ZNF233: variants seen among roughly 807,000 people sequenced by gnomAD.
The protein encoded by ZNF233 is zinc finger protein 233.
ZNF233 carries 7 observed loss-of-function variants against 11.6 expected under a neutral mutation model. The ratio of observed to expected loss-of-function variants is 0.60; its 90% CI spans 0.34 to 1.13. ZNF233 has a LOEUF of 1.13. ZNF233 is among the 50% of genes most tolerant of loss of function. The pLI is 0.03. For synonymous variants in ZNF233, 226 were observed against 268.5 expected, an observed-to-expected ratio of 0.84 and a Z score of 1.55; for missense variants, 711 against 785.5, an observed-to-expected ratio of 0.91 and a Z score of 1.13.
chr19:44,272,462 C>T (rs576129365), intron 4 of ZNF233, among the ~76,000 whole-genome samples: 74 of 150,834 alleles, frequency 4.9e-4, no homozygotes, highest in South Asian at 2.9e-3. Context: ...AGTCTGGGTG[C>T]GGTGGCTCAC....
intron 4 of ZNF233, among the ~76,000 whole-genome samples, chr19:44,269,605 C>T (rs1975186917): frequency 6.6e-6 from 1 of 151,128 alleles, no homozygotes; most frequent in South Asian, 2.1e-4. Flanking sequence ...CAAATCTTTA[C>T]TTTTTTTTTA....
chr19:44,275,243 T>C lies in ZNF233; in HGVS notation c.*570T>C. On this transcript the variant is annotated 3_prime_UTR_variant, in exon 5 of 5. Transcript: ENST00000683810. ...CCCCAATTCGTCATTATAATTGTACTGGGAAAAGGATTCTTGCAAGAAGCC... is the reference window on the plus strand; with the variant it reads ...CCCCAATTCGTCATTATAATTGTACCGGGAAAAGGATTCTTGCAAGAAGCC... 1 of 258,874 alleles carries C rather than the reference T, an allele frequency of 3.9e-6. No homozygotes were observed. The highest frequency in any genetic ancestry group is 7.2e-6 in the Non-Finnish European group (1 of 139,018). 16.0% of individuals were successfully genotyped at this position (258,874 alleles called of 1,614,324 possible). A position where few individuals can be genotyped will look rare whatever the true frequency, so the allele number is the denominator to read the frequency against.
Position 44,274,040 on chromosome 19 carries a change from C to T in ZNF233, c.1380C>T (p.Gly460=). 6.3e-7 allele frequency: 1 copy of T among 1,597,902 alleles called. No individual in the cohort carries two copies. Among genetic ancestry groups the T allele is most frequent in the Non-Finnish European group, 8.5e-7 (1 of 1,179,424 alleles). ...ATAAATGTGAGGTATGTGATAAGGG[C>T]TTCAGTAAGGCCTCAAATCTTCAAG... ...KPYKCEVCDK[G]FSKASNLQAH... is the part of the protein sequence containing the mutation. Residue 460 remains glycine, a synonymous_variant, in exon 5 of 5, where the codon GGC becomes GGT. Coordinates refer to ENST00000683810, the MANE Select transcript of ZNF233 (RefSeq NM_001207005.2).
In ZNF233 at chr19:44,274,352, C is replaced by CA. The variant is rs772029795; in HGVS notation, c.1695dup (p.Cys566MetfsTer2). On this transcript the variant is annotated frameshift_variant, in exon 5 of 5. Transcript: ENST00000683810. LOFTEE classifies it low-confidence loss of function (END_TRUNC). ...AAGTCCATACTGGAGAGAATCCCTA[C>CA]AAATGTGATGTGTGTGGGAAAGGCT... 1 of 1,613,740 alleles carries CA rather than the reference C, an allele frequency of 6.2e-7. No individual in the cohort carries two copies. The highest frequency in any genetic ancestry group is 1.1e-5 in the South Asian group (1 of 91,048).
chr19:44,260,112 T>TG, intron 1 of ZNF233, 174 bp downstream of exon 1: 4 of 262,814 alleles, frequency 1.5e-5, no homozygotes, highest in South Asian at 1.2e-4. Context: ...GAATGGCTCC[T>TG]GGTCGCACGT....
rs183103711 is a variant in ZNF233, at chr19:44,273,533, C to T, written c.873C>T (p.Tyr291=). 114 of 1,614,146 alleles carry T rather than the reference C, an allele frequency of 7.1e-5. No individual in the cohort carries two copies. Among genetic ancestry groups the T allele is most frequent in the South Asian group, 3.1e-4 (28 of 91,082 alleles). Residue 291 remains tyrosine, a synonymous_variant, in exon 5 of 5, where the codon TAC becomes TAT. Transcript: ENST00000683810. ...LRDKPHVNVE[Y]GKGIGYSSGL... Reference sequence around the variant, plus strand: ...ACAAGCCTCATGTAAATGTTGAGTACGGGAAGGGCATAGGTTACAGCTCAG... The same window carrying T: ...ACAAGCCTCATGTAAATGTTGAGTATGGGAAGGGCATAGGTTACAGCTCAG...
chr19:44,266,008 T>A (rs752723641), intron 2 of ZNF233, 190 bp from the exon 3 acceptor site: 1 of 416,396 alleles, frequency 2.4e-6, no homozygotes, highest in Non-Finnish European at 4.1e-6. Flanking sequence ...ACACTTTTGA[T>A]GTGACTGTGG....
At position 44,274,652 on chromosome 19, in the gene ZNF233, A is replaced by G; in HGVS notation, c.1992A>G (p.Ser664=). The G allele has an allele frequency of 6.3e-7, 1 of 1,585,356 alleles. No individual in the cohort carries two copies. Among genetic ancestry groups the G allele is most frequent in the Non-Finnish European group, 8.6e-7 (1 of 1,161,110 alleles). ...GKGFSKSSLS[S]DSSESP is the part of the protein sequence containing the mutation. ...GCTTTAGTAAGAGTTCGTTGTCTTCAGATTCATCAGAGAGTCCATGATGGT... is the reference window on the plus strand; with the variant it reads ...GCTTTAGTAAGAGTTCGTTGTCTTCGGATTCATCAGAGAGTCCATGATGGT... The change falls in exon 5 of 5, where the codon TCA becomes TCG. Residue 664 remains serine (S), a synonymous_variant. Coordinates refer to ENST00000683810, the MANE Select transcript of ZNF233 (RefSeq NM_001207005.2).
rs535759670 is a variant in ZNF233 at position 44,271,511 on chromosome 19, G to A, written c.239-1388G>A. Among the ~76,000 whole-genome samples, 162 of 151,680 alleles carry A rather than the reference G, an allele frequency of 1.1e-3. 1 individual carries two copies. The highest frequency in any genetic ancestry group is 3.6e-3 in the African/African-American group (149 of 41,376). The stretch of plus-strand genomic sequence containing the variant: ...ACATCTGCCACGGAAAAGAGGAGAG[G>A]ATTTTTTTTTTTTTTTGAGACGGAG... On this transcript the variant is annotated intron_variant, in intron 4 of 4. Coordinates refer to ENST00000683810, the MANE Select transcript of ZNF233 (RefSeq NM_001207005.2).
At chr19:44,262,382 G>A (rs547064372) in intron 1 of ZNF233, among the ~76,000 whole-genome samples, 2 of 152,336 alleles carry the variant, frequency 1.3e-5, no homozygotes, top group African/African-American at 4.8e-5. Flanking sequence ...ACCTAGGAAT[G>A]AACAAAGTCT....
intron 2 of ZNF233, 123 bp from the exon 3 acceptor site, chr19:44,266,075 G>A: frequency 2.7e-6 from 3 of 1,100,354 alleles, no homozygotes; most frequent in Non-Finnish European, 3.7e-6. Context: ...GCTACTTAAA[G>A]TTCATTCGAG....
intron 2 of ZNF233, 113 bp from the exon 3 acceptor site, chr19:44,266,085 G>A (rs1975073190): frequency 1.7e-6 from 2 of 1,189,458 alleles, no homozygotes; most frequent in Non-Finnish European, 2.2e-6. Flanking sequence ...GTTCATTCGA[G>A]GCCCTCACAA....
At position 44,273,344 on chromosome 19, in the gene ZNF233, C is replaced by A. The variant is rs776107462; in HGVS notation, c.684C>A (p.His228Gln). The change falls in exon 5 of 5, where the codon CAC (histidine) becomes CAA (glutamine). Residue 228 changes from histidine to glutamine, a missense_variant. His to Gln is a conservative substitution (Grantham distance 24). Transcript: ENST00000683810. ...IAHQHDDHGV[H>Q]KREKAFSHNN... ...ATCAACATGATGATCATGGAGTACA[C>A]AAAAGAGAGAAAGCTTTTAGCCACA... 15 of 1,613,940 alleles carry A rather than the reference C, an allele frequency of 9.3e-6. No homozygotes were observed. Among genetic ancestry groups the A allele is most frequent in the Non-Finnish European group, 1.3e-5 (15 of 1,180,026 alleles).
Position 44,266,307 on chromosome 19 carries a change from G to A in ZNF233, c.125G>A (p.Arg42Lys). 1 of 1,606,968 alleles carries A rather than the reference G, an allele frequency of 6.2e-7. No individual in the cohort carries two copies. The highest frequency in any genetic ancestry group is 1.3e-5 in the African/African-American group (1 of 74,836). ...CAAGATGTGATGCTGGAGAACTTCA[G>A]GAACCTGCTGTCAGTGGGTGAGCAC... Reference protein sequence around the residue: ...LYQDVMLENFRNLLSVGYQPF... With the variant: ...LYQDVMLENFKNLLSVGYQPF... Residue 42 changes from arginine to lysine, a missense_variant, in exon 3 of 5, where the codon AGG becomes AAG. Transcript: ENST00000683810.
At chr19:44,267,224 G>A (rs2123052001) in intron 4 of ZNF233, 1 of 430,548 alleles carries the variant, frequency 2.3e-6, no homozygotes, top group Non-Finnish European at 4.1e-6. Flanking sequence ...AAATCTCTAC[G>A]AGCCTTCAGG....
intron 1 of ZNF233, among the ~76,000 whole-genome samples, chr19:44,262,697 A>G (rs759282782): frequency 1.2e-4 from 18 of 152,176 alleles, no homozygotes; most frequent in Non-Finnish European, 2.4e-4. Flanking sequence ...ATTGAATGCT[A>G]TCTTGTATAT....
intron 1 of ZNF233, 111 bp downstream of exon 1, chr19:44,260,049 C>T (rs1437615609): frequency 2.7e-6 from 1 of 366,656 alleles, no homozygotes; most frequent in Non-Finnish European, 5.6e-6. Context: ...AGGGCGGGGA[C>T]GACGGTTTGC....
At position 44,266,089 on chromosome 19, in the gene ZNF233, C is replaced by G. The variant is rs1975073278; in HGVS notation, c.16-109C>G. 4 of 1,263,608 alleles carry G rather than the reference C, an allele frequency of 3.2e-6. No homozygotes were observed. In the Admixed American group the frequency reaches 8.4e-5, roughly 26 times the overall value. 78.3% of individuals were successfully genotyped at this position (1,263,608 alleles called of 1,614,324 possible). A position where few individuals can be genotyped will look rare whatever the true frequency, so the allele number is the denominator to read the frequency against. ...AGCTACTTAAAGTTCATTCGAGGCC[C>G]TCACAATCCAGAACGTCTTCCTGCC... On this transcript the variant is annotated intron_variant, in intron 2 of 4. Transcript: ENST00000683810.
Position 44,274,727 on chromosome 19 carries a change from T to C in ZNF233, c.*54T>C, listed in dbSNP as rs763181841. ...TGTGATAGGGGTGCTCTTCAAGACT[T>C]AGACTTCCCATTTTCCTCAGAAAAT... On this transcript the variant is annotated 3_prime_UTR_variant, in exon 5 of 5. Coordinates refer to ENST00000683810, the MANE Select transcript of ZNF233 (RefSeq NM_001207005.2). 3 of 1,364,374 alleles carry C rather than the reference T, an allele frequency of 2.2e-6. No homozygotes were observed. Among genetic ancestry groups the C allele is most frequent in the African/African-American group, 2.9e-5 (2 of 68,250 alleles). The allele number at this position is 1,364,374 out of a possible 1,614,324, so 84.5% of individuals were successfully genotyped here. A position where few individuals can be genotyped will look rare whatever the true frequency, so the allele number is the denominator to read the frequency against.
Sources: allele counts gnomAD v4.1 joint callset (sites outside exome capture counted in the v4.1 genomes callset), GRCh38; gene constraint gnomAD v4.1.1; transcripts MANE v1.5; gene names NCBI Gene and HGNC (gene_info 2026-07-23, HGNC 2026-07-21).